SMG1: variants seen among roughly 807,000 people sequenced by gnomAD.
SMG1 encodes SMG1 nonsense mediated mRNA decay associated PI3K related kinase.
In SMG1, 22 loss-of-function variants were observed where a neutral mutation model predicts 419.9. That is an observed-to-expected ratio of 0.05 (90% CI 0.04 to 0.07). SMG1 has a LOEUF of 0.07. Among genes scored for constraint, SMG1 ranks in the 10% least tolerant of loss-of-function variants. The pLI, the probability that SMG1 is intolerant of heterozygous loss-of-function variation, is 1.00. For missense variants in SMG1, 3,185 were observed against 4,342.0 expected, an observed-to-expected ratio of 0.73 and a Z score of 7.49; for synonymous variants, 1,538 against 1,553.5, an observed-to-expected ratio of 0.99 and a Z score of 0.23.
rs1272152787 is a variant in SMG1, at chr16:18,864,083, A to G, written c.3412T>C (p.Cys1138Arg). 6.5e-7 allele frequency: 1 copy of G among 1,549,754 alleles called. No individual in the cohort carries two copies. The highest frequency in any genetic ancestry group is 8.7e-7 in the Non-Finnish European group (1 of 1,146,804). The change falls in exon 24 of 63, where the codon TGC becomes CGC. Residue 1138 changes from cysteine (C) to arginine (R), a missense_variant. Cys to Arg is a radical substitution (Grantham distance 180, BLOSUM62 -3). Coordinates refer to ENST00000446231, the MANE Select transcript of SMG1 (RefSeq NM_015092.5). ...ACCGATTTGTCAAAGCTGGAGATGCAGCAATCAACACCTGTCATGGCACAC... is the reference window on the plus strand; with the variant it reads ...ACCGATTTGTCAAAGCTGGAGATGCGGCAATCAACACCTGTCATGGCACAC... The part of the protein sequence containing the change: ...HLCAMTGVDC[C>R]ISSFDKSVLT...
In SMG1 at chr16:18,878,037, C is replaced by T. The variant is rs1279384116; in HGVS notation, c.1519-805G>A. On this transcript the variant is annotated intron_variant, in intron 11 of 62. Transcript: ENST00000446231. ...GTTAAATATGTACAAATTTATTATA[C>T]TATGCTCCCTATTTTTATGTGCTTC... The T allele has an allele frequency of 6.6e-5, 10 of 152,278 alleles. No individual in the cohort carries two copies. The East Asian group carries it at 1.9e-3, about 29-fold the overall frequency. The allele number at this position is 152,278 out of a possible 1,614,324, so 9.4% of individuals were successfully genotyped here.
At chr16:18,911,292 AG>A (rs1179977960) in intron 1 of SMG1, 1 of 152,236 alleles carries the variant, frequency 6.6e-6, no homozygotes, top group Non-Finnish European at 1.5e-5. Context: ...TCACAAGGTC[AG>A]GAGTTCAAGA....
intron 4 of SMG1, among the ~76,000 whole-genome samples, chr16:18,891,522 G>A (rs1251777566): frequency 1.3e-5 from 2 of 150,732 alleles, no homozygotes; most frequent in Admixed American, 6.6e-5. Flanking sequence ...TGCAACCTCC[G>A]TTTCCTGGGT....
chr16:18,864,207 T>C (rs1371058510), intron 23 of SMG1, 63 bp from the exon 24 acceptor site: 1 of 1,373,712 alleles, frequency 7.3e-7, no homozygotes. Context: ...TTTTTTTTTT[T>C]TTTTTGTGAT....
chr16:18,890,365 C>T (rs896543126), intron 5 of SMG1, among the ~76,000 whole-genome samples: 15 of 152,190 alleles, frequency 9.9e-5, no homozygotes, highest in Non-Finnish European at 2.2e-4. Context: ...CAGCCAGGCA[C>T]AGTGGCTCAT....
At chr16:18,899,003 G>C (rs1364742629) in intron 1 of SMG1, among the ~76,000 whole-genome samples, 1 of 152,122 alleles carries the variant, frequency 6.6e-6, no homozygotes, top group African/African-American at 2.4e-5. Flanking sequence ...GTTGTTGTGA[G>C]GCTTAAATAA....
chr16:18,872,644 A>C lies in SMG1; in HGVS notation c.1891-20T>G. 7.3e-7 allele frequency: 1 copy of C among 1,376,396 alleles called. No individual in the cohort carries two copies. 85.3% of individuals were successfully genotyped at this position (1,376,396 alleles called of 1,614,324 possible). Reference sequence around the variant, plus strand: ...CCACATCTGATCATGTACAAAACAAAGTAAGTTTATGGCTTCTCCAAAATA... The same window carrying C: ...CCACATCTGATCATGTACAAAACAACGTAAGTTTATGGCTTCTCCAAAATA... On this transcript the variant is annotated intron_variant, in intron 13 of 62. Coordinates refer to ENST00000446231, the MANE Select transcript of SMG1 (RefSeq NM_015092.5).
intron 11 of SMG1, chr16:18,877,512 T>C: frequency 3.5e-6 from 1 of 287,062 alleles, no homozygotes; most frequent in Non-Finnish European, 6.8e-6. Flanking sequence ...CTATCCTGTA[T>C]GATACTGGTA....
At chr16:18,829,861 T>A in intron 53 of SMG1, 65 bp downstream of exon 53, 1 of 1,438,182 alleles carries the variant, frequency 7.0e-7, no homozygotes, top group South Asian at 1.4e-5. Flanking sequence ...TTAAGCCTAC[T>A]CTATCCTGCC....
In SMG1 at chr16:18,850,744, C is replaced by G. The variant is rs974323225; in HGVS notation, c.5053-277G>C. ...TGCTTCCAAGTTACAATACAGTATT[C>G]TACCTGCAGAAATTTTTTTTTCCTT... On this transcript the variant is annotated intron_variant, in intron 33 of 62. Coordinates refer to ENST00000446231, the MANE Select transcript of SMG1 (RefSeq NM_015092.5). Among the ~76,000 whole-genome samples the G allele has an allele frequency of 3.3e-5, 5 of 152,078 alleles. No individual in the cohort carries two copies. The East Asian group carries it at 5.8e-4, about 18-fold the overall frequency.
rs2034456842 is a variant in SMG1 at position 18,849,243 on chromosome 16, G to A, written c.5597C>T (p.Ser1866Leu). The change falls in exon 36 of 63, where the codon TCG becomes TTG. Residue 1866 changes from serine to leucine, a missense_variant. This residue lies in a region of SMG1 where 130 missense variants were observed against 162.0 expected (regional missense o/e 0.80). Coordinates refer to ENST00000446231, the MANE Select transcript of SMG1 (RefSeq NM_015092.5). Reference sequence around the variant, plus strand: ...TGAAGCCTGGGATTCACTACTAAGCGATATGGTACCCACTATTGCAGGATA... The same window carrying A: ...TGAAGCCTGGGATTCACTACTAAGCAATATGGTACCCACTATTGCAGGATA... The part of the protein sequence containing the change: ...ILYPAIVGTI[S>L]LSSESQASGN... 6.2e-7 allele frequency: 1 copy of A among 1,612,100 alleles called. No individual in the cohort carries two copies. Among genetic ancestry groups the A allele is most frequent in the Non-Finnish European group, 8.5e-7 (1 of 1,178,622 alleles).
intron 1 of SMG1, among the ~76,000 whole-genome samples, chr16:18,900,306 A>G (rs2037297009): frequency 6.6e-6 from 1 of 152,250 alleles, no homozygotes; most frequent in African/African-American, 2.4e-5. Flanking sequence ...ATGCAAATAT[A>G]GTTACCACTT....
intron 50 of SMG1, 93 bp downstream of exon 50, chr16:18,834,111 T>C: frequency 1.2e-6 from 1 of 851,434 alleles, no homozygotes; most frequent in Non-Finnish European, 1.8e-6. Flanking sequence ...AACATTCAAA[T>C]GGGGAAGTCA....
chr16:18,892,912 CG>C (rs2036947068), intron 3 of SMG1, among the ~76,000 whole-genome samples: 1 of 152,128 alleles, frequency 6.6e-6, no homozygotes, highest in Non-Finnish European at 1.5e-5. Context: ...CTAGGCCAAC[CG>C]AACACCTCAA....
chr16:18,872,332 T>C lies in SMG1; in HGVS notation c.2035A>G (p.Ile679Val), dbSNP rs1176068612. The C allele has an allele frequency of 6.3e-7, 1 of 1,577,874 alleles. No homozygotes were observed. Among genetic ancestry groups the C allele is most frequent in the Non-Finnish European group, 8.6e-7 (1 of 1,166,890 alleles). Residue 679 changes from isoleucine (I) to valine (V), a missense_variant, in exon 15 of 63, where the codon ATC becomes GTC. Physicochemically the swap from Ile to Val is conservative, Grantham distance 29 (BLOSUM62 3). Around this residue, in one of 27 missense-constraint regions of SMG1, gnomAD observed 297 missense variants for 491.0 expected, o/e 0.60. Transcript: ENST00000446231. ...GAGGAAGAACTGAGGCTACTAGAGA[T>C]AAAGTGATCATGCCTGAAAGACAAA... ...YSHCTRHDHF[I>V]SSSLSSSSPS...
intron 1 of SMG1, among the ~76,000 whole-genome samples, chr16:18,922,776 G>A (rs750488956): frequency 3.3e-5 from 5 of 151,896 alleles, no homozygotes; most frequent in South Asian, 2.1e-4. Flanking sequence ...CACTGCCCCC[G>A]GCCTGCTTAA....
rs2036121543 is a variant in SMG1 at position 18,876,153 on chromosome 16, T to C, written c.1861A>G (p.Ile621Val). ...ATTAGTGAGTTTTTGGCATTTCCAA[T>C]TGTAGTCAGGGCACTGAGGTCAAAT... ...VIFDLSALTT[I>V]GNAKNSLIGM... Residue 621 changes from isoleucine to valine, a missense_variant, in exon 13 of 63, where the codon ATT becomes GTT. Physicochemically the swap from Ile to Val is conservative, Grantham distance 29 (BLOSUM62 3). Coordinates refer to ENST00000446231, the MANE Select transcript of SMG1 (RefSeq NM_015092.5). The C allele has an allele frequency of 1.2e-6, 2 of 1,611,702 alleles. No individual in the cohort carries two copies. Among genetic ancestry groups the C allele is most frequent in the African/African-American group, 1.3e-5 (1 of 74,860 alleles).
intron 1 of SMG1, among the ~76,000 whole-genome samples, chr16:18,909,517 G>GA (rs1462768015): frequency 6.6e-6 from 1 of 151,840 alleles, no homozygotes; most frequent in Admixed American, 6.6e-5. Context: ...TGTCTCTAAA[G>GA]AAAAAAATCA....
At chr16:18,874,404 G>A (rs540641928) in intron 13 of SMG1, among the ~76,000 whole-genome samples, 2 of 151,932 alleles carry the variant, frequency 1.3e-5, no homozygotes, top group Admixed American at 6.6e-5. Context: ...CTCCCAGAGT[G>A]CTGGGTTTAC....
Sources: gnomAD v4.1 joint callset for allele counts (sites outside exome capture counted in the v4.1 genomes callset) on GRCh38, gnomAD v4.1.1 for gene constraint, gnomAD v4.1.1 regional missense constraint, MANE v1.5 for transcripts, NCBI Gene and HGNC (gene_info 2026-07-23, HGNC 2026-07-21) for gene names.